Variants in AP2A1 observed in about 807,000 individuals in gnomAD.
AP2A1 encodes adaptor related protein complex 2 subunit alpha 1, also known as AP-2 complex subunit alpha-1.
Under a neutral mutation model 107.3 loss-of-function variants are expected in AP2A1, and 21 were observed. The ratio of observed to expected loss-of-function variants is 0.20; its 90% CI spans 0.14 to 0.28. The LOEUF (loss-of-function observed/expected upper bound fraction) is 0.28, where lower values mean the gene tolerates loss of function less well. Among genes scored for constraint, AP2A1 ranks in the 10% least tolerant of loss-of-function variants. The pLI is 1.00. For missense variants in AP2A1, 873 were observed against 1,307.7 expected (o/e 0.67, Z 5.13); for synonymous variants, 602 against 564.8 (o/e 1.07, Z -0.93).
intron 1 of AP2A1, among the ~76,000 whole-genome samples, chr19:49,780,285 T>C (rs1165919890): frequency 6.6e-6 from 1 of 152,202 alleles, no homozygotes; most frequent in African/African-American, 2.4e-5. Context: ...AATAACTCTT[T>C]AAGCAGAATA....
intron 18 of AP2A1, chr19:49,803,779 G>C (rs139892592): frequency 1.2e-3 from 362 of 300,174 alleles, no homozygotes; most frequent in Admixed American, 1.8e-3. Context: ...GGGCTCTCCT[G>C]TCCCCGCTGT....
chr19:49,782,970 T>A (rs573867290), intron 4 of AP2A1, among the ~76,000 whole-genome samples: 1 of 152,328 alleles, frequency 6.6e-6, no homozygotes, highest in Non-Finnish European at 1.5e-5. Flanking sequence ...AACTGCAGAA[T>A]TCTAACACCT....
chr19:49,790,639 A>T (rs965624523), intron 4 of AP2A1, among the ~76,000 whole-genome samples: 1 of 152,120 alleles, frequency 6.6e-6, no homozygotes, highest in Admixed American at 6.5e-5. Context: ...GGCTCAAGTG[A>T]TTCTCCCACC....
rs75004154 is a variant in AP2A1, at chr19:49,803,602, C to T, written c.2344+226C>T. The T allele has an allele frequency of 4.3e-3, 2,458 of 568,566 alleles. 54 individuals are homozygous for T. Among genetic ancestry groups the T allele is most frequent in the African/African-American group, 0.04 (2,148 of 53,268 alleles). 35.2% of individuals were successfully genotyped at this position (568,566 alleles called of 1,614,324 possible). A position where few individuals can be genotyped will look rare whatever the true frequency, so the allele number is the denominator to read the frequency against. On this transcript the variant is annotated intron_variant, in intron 18 of 22. Coordinates refer to ENST00000354293, the MANE Select transcript of AP2A1 (RefSeq NM_130787.3). ...GTGGGAGGCTTTACTTCCAGAACTC[C>T]ACCTGCTCCAGGCCTCATTTTGTCC... is the stretch of plus-strand genomic sequence containing the variant.
intron 4 of AP2A1, among the ~76,000 whole-genome samples, chr19:49,790,534 G>T (rs1212194080): frequency 6.6e-6 from 1 of 152,192 alleles, no homozygotes; most frequent in African/African-American, 2.4e-5. Context: ...AAGTAGGTGG[G>T]TCTACAGGCA....
intron 1 of AP2A1, among the ~76,000 whole-genome samples, chr19:49,769,926 T>C (rs957859198): frequency 6.6e-6 from 1 of 152,044 alleles, no homozygotes; most frequent in Non-Finnish European, 1.5e-5. Flanking sequence ...TGGAGTGCAG[T>C]GGCACGATCA....
chr19:49,779,797 C>T lies in AP2A1; in HGVS notation c.68-1960C>T, dbSNP rs187727478. 7.2e-5 allele frequency among the ~76,000 whole-genome samples: 11 copies of T among 152,260 alleles called. No homozygotes were observed. The East Asian group carries it at 2.1e-3, about 29-fold the overall frequency. On this transcript the variant is annotated intron_variant, in intron 1 of 22. Coordinates refer to ENST00000354293, the MANE Select transcript of AP2A1 (RefSeq NM_130787.3). ...CCCGTGTATGTTTGCTGTTGACAGC[C>T]CCTCTCAGTTTGGAATGGCCACATT... is the stretch of plus-strand genomic sequence containing the variant.
chr19:49,791,908 C>G, intron 4 of AP2A1, 27 bp from the exon 5 acceptor site: 1 of 1,585,524 alleles, frequency 6.3e-7, no homozygotes, highest in Non-Finnish European at 8.6e-7. Context: ...GACTCTGCTT[C>G]CCCTGCCCTG....
chr19:49,790,882 C>T (rs578034386), intron 4 of AP2A1, among the ~76,000 whole-genome samples: 3 of 152,290 alleles, frequency 2.0e-5, no homozygotes, highest in South Asian at 4.1e-4. Context: ...CTGGACAGGC[C>T]GAAGGGGTCC....
At position 49,801,715 on chromosome 19, in the gene AP2A1, G is replaced by T; in HGVS notation, c.1786-7G>T. The T allele has an allele frequency of 7.7e-7, 1 of 1,300,618 alleles. No individual in the cohort carries two copies. Among genetic ancestry groups the T allele is most frequent in the Non-Finnish European group, 1.0e-6 (1 of 995,958 alleles). The allele number at this position is 1,300,618 out of a possible 1,614,324, so 80.6% of individuals were successfully genotyped here. On this transcript the variant is annotated splice_region_variant and splice_polypyrimidine_tract_variant and intron_variant, in intron 13 of 22. Transcript: ENST00000354293. ...CGAACTGACCTTCCCCACCCCGACC[G>T]CGCCAGGCCACGGTGCTGGAGGAGA...
At chr19:49,803,781 C>A in intron 18 of AP2A1, 1 of 300,294 alleles carries the variant, frequency 3.3e-6, no homozygotes, top group Non-Finnish European at 6.5e-6. Flanking sequence ...GCTCTCCTGT[C>A]CCCGCTGTGA....
chr19:49,805,482 G>C lies in AP2A1; in HGVS notation c.2374G>C (p.Ala792Pro), dbSNP rs769855002. The C allele has an allele frequency of 3.2e-6, 5 of 1,552,490 alleles. No homozygotes were observed. The East Asian group carries it at 9.7e-5, about 30-fold the overall frequency. Residue 792 changes from alanine (A) to proline (P), a missense_variant, in exon 19 of 23, where the codon GCG (alanine) becomes CCG (proline). Transcript: ENST00000354293. The part of the protein sequence containing the change: ...QLAVQTKRVA[A>P]QVDGGAQVQQ... ...GGCTGTGCAGACCAAGCGCGTGGCG[G>C]CGCAGGTGGACGGCGGCGCGCAGGT...
Position 49,806,972 on chromosome 19 carries a change from TC to T in AP2A1, c.*221del. 2.0e-6 allele frequency: 3 copies of T among 1,530,560 alleles called. No individual in the cohort carries two copies. The highest frequency in any genetic ancestry group is 2.6e-6 in the Non-Finnish European group (3 of 1,144,738). The allele number at this position is 1,530,560 out of a possible 1,614,324, so 94.8% of individuals were successfully genotyped here. A position where few individuals can be genotyped will look rare whatever the true frequency, so the allele number is the denominator to read the frequency against. On this transcript the variant is annotated 3_prime_UTR_variant, in exon 23 of 23. Coordinates refer to ENST00000354293, the MANE Select transcript of AP2A1 (RefSeq NM_130787.3). ...TAGGGGGAGTCCCCCTCCCTCCCTTTCCCCCCCAAGCACAGAGGGGAGAGGG... is the reference window on the plus strand; with the variant it reads ...TAGGGGGAGTCCCCCTCCCTCCCTTTCCCCCCAAGCACAGAGGGGAGAGGG...
Position 49,805,457 on chromosome 19 carries a change from G to A in AP2A1, c.2349G>A (p.Leu783=), listed in dbSNP as rs1304768208. 6 of 1,540,418 alleles carry A rather than the reference G, an allele frequency of 3.9e-6. No homozygotes were observed. The highest frequency in any genetic ancestry group is 1.4e-5 in the African/African-American group (1 of 72,934). Residue 783 remains leucine (L), a synonymous_variant, in exon 19 of 23, where the codon CTG becomes CTA. Transcript: ENST00000354293. The stretch of plus-strand genomic sequence containing the variant: ...TCCTTGACTCCTGGCGGGCACAGCT[G>A]GCTGTGCAGACCAAGCGCGTGGCGG... ...VVHPGDLQTQ[L]AVQTKRVAAQ...
intron 7 of AP2A1, 55 bp downstream of exon 7, chr19:49,795,793 G>A: frequency 7.6e-7 from 1 of 1,322,048 alleles, no homozygotes; most frequent in African/African-American, 1.5e-5. Flanking sequence ...GGCATCTGGG[G>A]GCCTCCTGCT....
chr19:49,778,043 C>A (rs1175629513), intron 1 of AP2A1, among the ~76,000 whole-genome samples: 1 of 151,928 alleles, frequency 6.6e-6, no homozygotes, highest in Non-Finnish European at 1.5e-5. Context: ...ATATATATTT[C>A]TTTAAATTTA....
At chr19:49,798,772 C>T in intron 7 of AP2A1, 30 bp from the exon 8 acceptor site, 3 of 1,591,930 alleles carry the variant, frequency 1.9e-6, no homozygotes, top group East Asian at 2.3e-5. Flanking sequence ...GCAGGACACT[C>T]AGCCGGGGGC....
chr19:49,795,653 C>T lies in AP2A1; in HGVS notation c.729C>T (p.Asp243=). ...LSRIVSSAST[D]LQDYTYYFVP... is the part of the protein sequence containing the mutation. ...AGATCGTCTCCTCTGCCTCCACCGA[C>T]CTCCAGGACTACACCTACTACTTCG... The change falls in exon 7 of 23, where the codon GAC becomes GAT. Residue 243 remains aspartate, a synonymous_variant. Transcript: ENST00000354293. 2 of 1,571,438 alleles carry T rather than the reference C, an allele frequency of 1.3e-6. No homozygotes were observed. Among genetic ancestry groups the T allele is most frequent in the Admixed American group, 1.9e-5 (1 of 53,656 alleles).
chr19:49,802,768 G>A, intron 15 of AP2A1, 181 bp from the exon 16 acceptor site: 4 of 1,003,968 alleles, frequency 4.0e-6, no homozygotes, highest in Middle Eastern at 3.2e-4. Context: ...CACGGGCCAG[G>A]GTTCTATTCC....
Sources: gnomAD v4.1 joint callset for allele counts (sites outside exome capture counted in the v4.1 genomes callset) on GRCh38, gnomAD v4.1.1 for gene constraint, MANE v1.5 for transcripts, NCBI Gene and HGNC (gene_info 2026-07-23, HGNC 2026-07-21) for gene names.